FERMT2: variants seen among roughly 807,000 people sequenced by gnomAD.
The protein encoded by FERMT2 is FERM domain containing kindlin 2.
FERMT2 carries 15 observed loss-of-function variants against 82.7 expected under a neutral mutation model. The observed-to-expected ratio is 0.18, with a 90% confidence interval of 0.12 to 0.28. FERMT2 has a LOEUF of 0.28. Among genes scored for constraint, FERMT2 ranks in the 10% least tolerant of loss-of-function variants. The probability of loss-of-function intolerance (pLI) is 1.00; values close to 1 mark genes in which losing one functional copy is unlikely to be tolerated. For missense variants in FERMT2, 645 were observed against 809.4 expected (o/e 0.80, Z 2.46); for synonymous variants, 274 against 271.5 (o/e 1.01, Z -0.09).
chr14:52,892,943 CAT>C (rs1289774668), intron 4 of FERMT2, among the ~76,000 whole-genome samples: 2 of 152,222 alleles, frequency 1.3e-5, no homozygotes, highest in South Asian at 2.1e-4. Flanking sequence ...ATGATTTGCA[CAT>C]GAGAGAAACT....
intron 3 of FERMT2, among the ~76,000 whole-genome samples, chr14:52,917,714 G>C (rs1229649055): frequency 6.6e-6 from 1 of 152,126 alleles, no homozygotes; most frequent in Non-Finnish European, 1.5e-5. Flanking sequence ...CAGTAAGAGG[G>C]TAAATAATGA....
At chr14:52,888,825 A>C (rs1225422194) in intron 4 of FERMT2, among the ~76,000 whole-genome samples, 2 of 152,224 alleles carry the variant, frequency 1.3e-5, no homozygotes, top group Non-Finnish European at 2.9e-5. Flanking sequence ...TGTAGAGTAC[A>C]GTATAAGGAT....
At position 52,864,636 on chromosome 14, in the gene FERMT2, A is replaced by G; in HGVS notation, c.1381-14T>C. The G allele has an allele frequency of 3.7e-6, 6 of 1,610,284 alleles. No individual in the cohort carries two copies. Among genetic ancestry groups the G allele is most frequent in the Non-Finnish European group, 5.1e-6 (6 of 1,176,442 alleles). On this transcript the variant is annotated splice_polypyrimidine_tract_variant and intron_variant, in intron 11 of 14. Transcript: ENST00000341590. ...ATACTGTTTTTCCTGGAGAAAAGAA[A>G]TACTGATGTGTGCAATGTATCACGA... is the stretch of plus-strand genomic sequence containing the variant.
chr14:52,902,875 A>AAAAAAAAAAACAAAAAC (rs1887743076), intron 3 of FERMT2, among the ~76,000 whole-genome samples: 1 of 133,376 alleles, frequency 7.5e-6, no homozygotes, highest in Non-Finnish European at 1.6e-5. Context: ...TCTCAAAAAA[A>AAAAAAAAAAACAAAAAC]AAAAAAAAAA....
chr14:52,943,375 G>A (rs1208587986), intron 2 of FERMT2, among the ~76,000 whole-genome samples: 1 of 152,078 alleles, frequency 6.6e-6, no homozygotes, highest in Non-Finnish European at 1.5e-5. Flanking sequence ...TTAATGTAAT[G>A]TCAATAAGCC....
chr14:52,870,639 C>G (rs1885562107), intron 10 of FERMT2, among the ~76,000 whole-genome samples: 1 of 152,170 alleles, frequency 6.6e-6, no homozygotes, highest in Admixed American at 6.5e-5. Flanking sequence ...CAGTAAAATG[C>G]TGTACAGGTT....
At chr14:52,930,938 T>G (rs1889538489) in intron 2 of FERMT2, among the ~76,000 whole-genome samples, 1 of 152,254 alleles carries the variant, frequency 6.6e-6, no homozygotes, top group South Asian at 2.1e-4. Flanking sequence ...TCTTTACTCT[T>G]GACCCCTTTA....
chr14:52,905,502 C>T (rs1887953161), intron 3 of FERMT2, among the ~76,000 whole-genome samples: 1 of 152,144 alleles, frequency 6.6e-6, no homozygotes, highest in Non-Finnish European at 1.5e-5. Flanking sequence ...AAGGAGAGTG[C>T]TTAGGAGGCT....
At chr14:52,900,667 G>C (rs927835100) in intron 3 of FERMT2, among the ~76,000 whole-genome samples, 2 of 152,082 alleles carry the variant, frequency 1.3e-5, no homozygotes, top group Non-Finnish European at 2.9e-5. Context: ...AGGTACCAAT[G>C]GGTAACACCC....
At chr14:52,920,181 C>T (rs1307236553) in intron 2 of FERMT2, among the ~76,000 whole-genome samples, 1 of 152,164 alleles carries the variant, frequency 6.6e-6, no homozygotes, top group Non-Finnish European at 1.5e-5. Context: ...AATCCAACTT[C>T]AACTAGTTAT....
chr14:52,900,512 TAAAGAAAAC>T (rs1166083394), intron 3 of FERMT2, among the ~76,000 whole-genome samples: 1 of 151,872 alleles, frequency 6.6e-6, no homozygotes, highest in Admixed American at 6.6e-5. Flanking sequence ...ACGTAAAAAA[TAAAGAAAAC>T]ATAAACCTAT....
chr14:52,882,079 A>T (rs980798092), intron 4 of FERMT2, among the ~76,000 whole-genome samples: 1 of 152,206 alleles, frequency 6.6e-6, no homozygotes, highest in African/African-American at 2.4e-5. Context: ...ATAGTGACAA[A>T]TATGTCTACA....
At position 52,859,709 on chromosome 14, in the gene FERMT2, T is replaced by A; in HGVS notation, c.1733A>T (p.Gln578Leu). Residue 578 changes from glutamine (Q) to leucine (L), a missense_variant, in exon 14 of 15, where the codon CAA becomes CTA. By Grantham distance (113) the Gln-to-Leu change is moderately radical (BLOSUM62 -2). Transcript: ENST00000341590. The stretch of plus-strand genomic sequence containing the variant: ...AATAAGTTCTTCTTTTTTGCCCCCT[T>A]GGAACCTATAACATTTAAGAAAAGA... ...FGITHFIARF[Q>L]GGKKEELIGI... 6.3e-7 allele frequency: 1 copy of A among 1,581,416 alleles called. No homozygotes were observed. The highest frequency in any genetic ancestry group is 8.6e-7 in the Non-Finnish European group (1 of 1,162,574).
At chr14:52,899,289 TTTA>T (rs1479446207) in intron 3 of FERMT2, among the ~76,000 whole-genome samples, 1 of 145,660 alleles carries the variant, frequency 6.9e-6, no homozygotes, top group Non-Finnish European at 1.5e-5. Flanking sequence ...CTTTTATTTA[TTTA>T]TTTTTTTTGA....
At chr14:52,922,430 G>C (rs908172975) in intron 2 of FERMT2, among the ~76,000 whole-genome samples, 1 of 152,034 alleles carries the variant, frequency 6.6e-6, no homozygotes, top group Non-Finnish European at 1.5e-5. Context: ...TACAGTGAAA[G>C]AGGGGGGCCT....
At chr14:52,944,263 G>A (rs1220830331) in intron 2 of FERMT2, among the ~76,000 whole-genome samples, 2 of 152,070 alleles carry the variant, frequency 1.3e-5, no homozygotes, top group African/African-American at 4.8e-5. Flanking sequence ...TTTTAACATT[G>A]TTTCCTACTC....
chr14:52,864,383 G>A lies in FERMT2; in HGVS notation c.1602+18C>T. 1 of 1,569,868 alleles carries A rather than the reference G, an allele frequency of 6.4e-7. No individual in the cohort carries two copies. The highest frequency in any genetic ancestry group is 1.7e-5 in the Admixed American group (1 of 59,836). ...AAAACAAACCAGCACAGTAGATGAA[G>A]TAAAATGAAGTAAGTACCTGCTTGT... On this transcript the variant is annotated intron_variant, in intron 12 of 14. Transcript: ENST00000341590.
intron 10 of FERMT2, among the ~76,000 whole-genome samples, chr14:52,867,380 T>G (rs1385029400): frequency 6.6e-6 from 1 of 152,218 alleles, no homozygotes; most frequent in Non-Finnish European, 1.5e-5. Context: ...CTTACTTTAC[T>G]ACAGTACTGG....
chr14:52,907,691 C>G (rs966580632), intron 3 of FERMT2, among the ~76,000 whole-genome samples: 1 of 151,576 alleles, frequency 6.6e-6, no homozygotes, highest in Admixed American at 6.6e-5. Context: ...AACCCTAGAG[C>G]AACCATTAAA....
Sources: gnomAD v4.1 joint callset for allele counts (sites outside exome capture counted in the v4.1 genomes callset) on GRCh38, gnomAD v4.1.1 for gene constraint, MANE v1.5 for transcripts, NCBI Gene and HGNC (gene_info 2026-07-23, HGNC 2026-07-21) for gene names.